Variants in ELOA observed in about 807,000 individuals in gnomAD.
ELOA encodes elongin A.
A neutral mutation model predicts 85.2 loss-of-function variants in ELOA; 15 were observed. The observed-to-expected ratio is 0.18, with a 90% CI of 0.12 to 0.27. The LOEUF is 0.27. ELOA is among the 10% of genes least tolerant of loss of function. ELOA has a pLI of 1.00. For synonymous variants in ELOA, 348 were observed against 357.2 expected (o/e 0.97, Z 0.29); for missense variants, 769 against 952.7 (o/e 0.81, Z 2.54).
chr1:23,749,309 C>CT (rs1220014603), intron 2 of ELOA, among the ~76,000 whole-genome samples: 2 of 152,068 alleles, frequency 1.3e-5, no homozygotes, highest in Admixed American at 1.3e-4. Flanking sequence ...AACAGGATTT[C>CT]TTTTTAGGGT....
In ELOA at chr1:23,743,497, G is replaced by GAC; in HGVS notation, c.-5_-4dup. On this transcript the variant is annotated 5_prime_UTR_variant, in exon 1 of 11. Coordinates refer to ENST00000613537, the MANE Select transcript of ELOA (RefSeq NM_003198.3). ...GTTCCGGCGAGGAGGCCGCGCCAGT[G>GAC]ACAGCGATGGCGGCGGAGTCGGCGC... 1 of 1,506,004 alleles carries GAC rather than the reference G, an allele frequency of 6.6e-7. No homozygotes were observed. The highest frequency in any genetic ancestry group is 2.8e-5 in the East Asian group (1 of 36,312). 93.3% of individuals were successfully genotyped at this position (1,506,004 alleles called of 1,614,324 possible).
chr1:23,746,610 A>G (rs890968410), intron 1 of ELOA, among the ~76,000 whole-genome samples: 7 of 69,432 alleles, frequency 1.0e-4, no homozygotes, highest in African/African-American at 3.5e-4. Context: ...TCCATCTCCA[A>G]AAAAAAAAAA....
At chr1:23,757,223 T>C in intron 10 of ELOA, 98 bp downstream of exon 10, 1 of 1,318,876 alleles carries the variant, frequency 7.6e-7, no homozygotes, top group Non-Finnish European at 1.0e-6. Context: ...GACTGCATGT[T>C]GCATGTACAT....
chr1:23,755,840 C>G lies in ELOA; in HGVS notation c.1792-3C>G. 1 of 1,588,416 alleles carries G rather than the reference C, an allele frequency of 6.3e-7. No individual in the cohort carries two copies. The highest frequency in any genetic ancestry group is 1.1e-5 in the South Asian group (1 of 89,222). On this transcript the variant is annotated splice_polypyrimidine_tract_variant and splice_region_variant and intron_variant, in intron 7 of 10. Transcript: ENST00000613537. The stretch of plus-strand genomic sequence containing the variant: ...ACAAATGATGTCCTGGTTCTGGTTT[C>G]AGGTATTAATTGAAGAAACAGATCA...
chr1:23,758,109 C>G (rs985901787), intron 10 of ELOA, among the ~76,000 whole-genome samples: 2 of 151,738 alleles, frequency 1.3e-5, no homozygotes, highest in Non-Finnish European at 1.5e-5. Flanking sequence ...TAAATATAAA[C>G]TGACTTCTCT....
chr1:23,749,213 T>C, intron 2 of ELOA, 136 bp downstream of exon 2: 2 of 755,100 alleles, frequency 2.6e-6, no homozygotes, highest in Non-Finnish European at 4.4e-6. Context: ...TATTGTCTGA[T>C]TCCATTTATA....
At chr1:23,758,683 C>G (rs1372808475) in intron 10 of ELOA, among the ~76,000 whole-genome samples, 1 of 151,084 alleles carries the variant, frequency 6.6e-6, no homozygotes. Context: ...TAACTTAAGT[C>G]TTATTCTGTA....
At chr1:23,749,099 A>G in intron 2 of ELOA, 22 bp downstream of exon 2, 5 of 1,580,370 alleles carry the variant, frequency 3.2e-6, no homozygotes, top group Non-Finnish European at 4.3e-6. Flanking sequence ...GTGACTTTAA[A>G]TATTATATAA....
At chr1:23,757,232 A>G (rs1304676131) in intron 10 of ELOA, 107 bp downstream of exon 10, 5 of 1,261,266 alleles carry the variant, frequency 4.0e-6, no homozygotes, top group Non-Finnish European at 5.4e-6. Flanking sequence ...TTGCATGTAC[A>G]TGATGCCTTG....
chr1:23,749,073 T>C lies in ELOA; in HGVS notation c.128T>C (p.Leu43Pro). 1 of 1,611,700 alleles carries C rather than the reference T, an allele frequency of 6.2e-7. No homozygotes were observed. Among genetic ancestry groups the C allele is most frequent in the Non-Finnish European group, 8.5e-7 (1 of 1,177,964 alleles). Residue 43 changes from leucine to proline, a missense_variant, in exon 2 of 11, where the codon CTT becomes CCT. Leu to Pro is a moderately conservative substitution (Grantham distance 98, BLOSUM62 -3). This residue lies in a region of ELOA where 440 missense variants were observed against 474.0 expected (regional missense o/e 0.93). Transcript: ENST00000613537. ...LSTLPITVDI[L>P]AETGVGKTVN... Reference sequence around the variant, plus strand: ...ACCCTGCCTATTACAGTAGACATTCTTGCGGTAAGAACTGTGTGACTTTAA... The same window carrying C: ...ACCCTGCCTATTACAGTAGACATTCCTGCGGTAAGAACTGTGTGACTTTAA...
At chr1:23,756,130 G>A in intron 8 of ELOA, 107 bp downstream of exon 8, 1 of 1,467,398 alleles carries the variant, frequency 6.8e-7, no homozygotes, top group East Asian at 2.4e-5. Context: ...CCCTACATCA[G>A]GTAGCAGGGT....
At chr1:23,752,373 A>G in intron 4 of ELOA, 34 bp from the exon 5 acceptor site, 1 of 1,585,024 alleles carries the variant, frequency 6.3e-7, no homozygotes, top group South Asian at 1.1e-5. Flanking sequence ...GCTTCTACTC[A>G]CTGACTCTCC....
At chr1:23,753,071 G>A (rs2124460777) in intron 5 of ELOA, among the ~76,000 whole-genome samples, 1 of 152,326 alleles carries the variant, frequency 6.6e-6, no homozygotes, top group South Asian at 2.1e-4. Context: ...TATCACTTGA[G>A]CCCAGGAGTT....
chr1:23,757,255 C>T (rs1644798351), intron 10 of ELOA, 130 bp downstream of exon 10: 3 of 1,011,358 alleles, frequency 3.0e-6, no homozygotes, highest in Non-Finnish European at 4.1e-6. Context: ...CATAGCTGGT[C>T]TGAATGTCAG....
intron 1 of ELOA, among the ~76,000 whole-genome samples, chr1:23,748,313 C>CAAG (rs139850118): frequency 0.051 from 7,720 of 152,150 alleles, 598 homozygotes; most frequent in African/African-American, 0.17. Flanking sequence ...GATCACTCAT[C>CAAG]GAGTGACAAA....
chr1:23,743,479 C>G lies in ELOA; in HGVS notation c.-25C>G, dbSNP rs1438396551. The G allele has an allele frequency of 2.7e-6, 4 of 1,502,260 alleles. No individual in the cohort carries two copies. Among genetic ancestry groups the G allele is most frequent in the South Asian group, 2.5e-5 (2 of 80,678 alleles). The allele number at this position is 1,502,260 out of a possible 1,614,324, so 93.1% of individuals were successfully genotyped here. A position where few individuals can be genotyped will look rare whatever the true frequency, so the allele number is the denominator to read the frequency against. ...GGACGCGACGCGAGCCCAGTTCCGGCGAGGAGGCCGCGCCAGTGACAGCGA... is the reference window on the plus strand; with the variant it reads ...GGACGCGACGCGAGCCCAGTTCCGGGGAGGAGGCCGCGCCAGTGACAGCGA... On this transcript the variant is annotated 5_prime_UTR_variant, in exon 1 of 11. Transcript: ENST00000613537.
chr1:23,756,176 A>C (rs942080740), intron 8 of ELOA, 98 bp from the exon 9 acceptor site: 4 of 1,413,780 alleles, frequency 2.8e-6, no homozygotes, highest in Non-Finnish European at 3.8e-6. Flanking sequence ...TCTACCCTAC[A>C]AGTGGGGTTT....
chr1:23,751,632 C>G lies in ELOA; in HGVS notation c.1027C>G (p.Gln343Glu), dbSNP rs1644771860. The G allele has an allele frequency of 6.2e-7, 1 of 1,614,068 alleles. No individual in the cohort carries two copies. The highest frequency in any genetic ancestry group is 1.3e-5 in the African/African-American group (1 of 74,928). Reference protein sequence around the residue: ...PEKAKLDKSKQGLDSFDTGKG... With the variant: ...PEKAKLDKSKEGLDSFDTGKG... Reference sequence around the variant, plus strand: ...GAAAGCCAAATTGGACAAAAGCAAGCAAGGTCTGGACAGCTTTGACACAGG... The same window carrying G: ...GAAAGCCAAATTGGACAAAAGCAAGGAAGGTCTGGACAGCTTTGACACAGG... The change falls in exon 4 of 11, where the codon CAA (glutamine) becomes GAA (glutamate). Residue 343 changes from glutamine (Q) to glutamate (E), a missense_variant. Transcript: ENST00000613537.
At chr1:23,747,753 T>TA (rs1380688652) in intron 1 of ELOA, among the ~76,000 whole-genome samples, 2 of 152,220 alleles carry the variant, frequency 1.3e-5, no homozygotes, top group East Asian at 3.8e-4. Flanking sequence ...CTTGGCCTCT[T>TA]ACTTGATCTC....
Sources: gnomAD v4.1 joint callset for allele counts (sites outside exome capture counted in the v4.1 genomes callset) on GRCh38, gnomAD v4.1.1 for gene constraint, gnomAD v4.1.1 regional missense constraint, MANE v1.5 for transcripts, NCBI Gene and HGNC (gene_info 2026-07-23, HGNC 2026-07-21) for gene names.